SULT1A1: variants seen among roughly 807,000 people sequenced by gnomAD.
The protein encoded by SULT1A1 is sulfotransferase 1A1.
In SULT1A1, 35 loss-of-function variants were observed where a neutral mutation model predicts 36.8. The observed-to-expected ratio is 0.95, with a 90% CI of 0.73 to 1.26. SULT1A1 has a LOEUF of 1.26. SULT1A1 is among the 50% of genes most tolerant of loss of function. The pLI, the probability that SULT1A1 is intolerant of heterozygous loss-of-function variation, is 0.00. For missense variants in SULT1A1, 309 were observed against 383.0 expected (o/e 0.81, Z 1.61); for synonymous variants, 119 against 146.0 (o/e 0.82, Z 1.33).
chr16:28,605,708 TG>T lies in SULT1A1; in HGVS notation c.*112del. On this transcript the variant is annotated 3_prime_UTR_variant, in exon 8 of 8. Coordinates refer to ENST00000314752, the MANE Select transcript of SULT1A1 (RefSeq NM_001055.4). ...CCTCCCACCTCAGCCTCCAAATTGC[TG>T]GGATTACAGACATGACCTACCGTCC... The T allele has an allele frequency of 6.5e-7, 1 of 1,541,642 alleles. No individual in the cohort carries two copies. The highest frequency in any genetic ancestry group is 8.8e-7 in the Non-Finnish European group (1 of 1,132,920).
In SULT1A1 at chr16:28,608,803, A is replaced by G. The variant is rs747104282; in HGVS notation, c.53T>C (p.Val18Ala). The G allele has an allele frequency of 2.5e-6, 4 of 1,611,810 alleles. No individual in the cohort carries two copies. The South Asian group carries it at 4.4e-5, about 18-fold the overall frequency. Reference protein sequence around the residue: ...SRPPLEYVKGVPLIKYFAEAL... With the variant: ...SRPPLEYVKGAPLIKYFAEAL... ...CTCTGCAAAGTACTTGATGAGCGGG[A>G]CCCCCTTCACGTACTCCAGTGGCGG... is the stretch of plus-strand genomic sequence containing the variant. The change falls in exon 2 of 8, where the codon GTC becomes GCC. Residue 18 changes from valine to alanine, a missense_variant. Val to Ala is a moderately conservative substitution (Grantham distance 64). This residue lies in a region of SULT1A1 where 23 missense variants were observed against 45.7 expected (regional missense o/e 0.50). Coordinates refer to ENST00000314752, the MANE Select transcript of SULT1A1 (RefSeq NM_001055.4).
chr16:28,616,765 C>G (rs1337830062), intron 2 of SULT1A1, among the ~76,000 whole-genome samples: 4 of 152,146 alleles, frequency 2.6e-5, no homozygotes, highest in African/African-American at 9.7e-5. Context: ...AATAACCCCC[C>G]ACTCTGGTTT....
chr16:28,620,845 T>C (rs2047637213), intron 1 of SULT1A1, among the ~76,000 whole-genome samples: 3 of 152,148 alleles, frequency 2.0e-5, no homozygotes, highest in Admixed American at 2.0e-4. Context: ...GCACGGTGGC[T>C]CATGCCTGTA....
chr16:28,620,120 G>A (rs368142835), exon 2 of SULT1A1: 21 of 1,612,852 alleles, frequency 1.3e-5, no homozygotes, highest in African/African-American at 4.0e-5. Context: ...CCTTTCCCTG[G>A]AGAATGCTCA....
intron 1 of SULT1A1, among the ~76,000 whole-genome samples, chr16:28,620,386 C>CA (rs2047627905): frequency 6.6e-6 from 1 of 151,460 alleles, no homozygotes; most frequent in Admixed American, 6.6e-5. Flanking sequence ...GGCAACAGGG[C>CA]AAAACCTCAT....
At chr16:28,609,899 G>A (rs1198112639) in intron 1 of SULT1A1, 32 bp downstream of exon 1, 1 of 1,270,680 alleles carries the variant, frequency 7.9e-7, no homozygotes, top group African/African-American at 1.5e-5. Context: ...GCAGGGTGAG[G>A]GCGCCCTGGG....
At chr16:28,621,888 A>T (rs2047663838) in intron 1 of SULT1A1, among the ~76,000 whole-genome samples, 1 of 152,092 alleles carries the variant, frequency 6.6e-6, no homozygotes, top group Non-Finnish European at 1.5e-5. Flanking sequence ...AATTTAACCA[A>T]CTTGAGTGAT....
exon 1 of SULT1A1, chr16:28,623,148 A>C: frequency 7.5e-7 from 1 of 1,335,302 alleles, no homozygotes; most frequent in Non-Finnish European, 9.9e-7. Context: ...GAAGGCCGAG[A>C]CCGCGATGGG....
rs2047241106 is a variant in SULT1A1 at position 28,607,295 on chromosome 16, G to A, written c.373-218C>T. ...ATCATATTCTATAGTAATATAATCT[G>A]CATCAATGCGTCACACCCCAATCTG... On this transcript the variant is annotated intron_variant, in intron 4 of 7. Coordinates refer to ENST00000314752, the MANE Select transcript of SULT1A1 (RefSeq NM_001055.4). The A allele has an allele frequency of 7.6e-6, 6 of 788,418 alleles. No individual in the cohort carries two copies. The South Asian group carries it at 9.7e-5, about 13-fold the overall frequency. 48.8% of individuals were successfully genotyped at this position (788,418 alleles called of 1,614,324 possible). A position where few individuals can be genotyped will look rare whatever the true frequency, so the allele number is the denominator to read the frequency against.
chr16:28,614,570 G>A (rs201257240), upstream of SULT1A1, among the ~76,000 whole-genome samples: 4,274 of 128,558 alleles, frequency 0.033, 377 homozygotes, highest in East Asian at 0.15. Flanking sequence ...ACAGGCACGT[G>A]CCACCATGCC....
At chr16:28,607,717 T>G (rs1402415445) in intron 4 of SULT1A1, 1 of 146,364 alleles carries the variant, frequency 6.8e-6, no homozygotes, top group East Asian at 2.0e-4. Context: ...CAAGTTGGAG[T>G]GCACTGGAGT....
In SULT1A1 at chr16:28,608,549, T is replaced by A; in HGVS notation, c.203A>T (p.Glu68Val). The change falls in exon 3 of 8, where the codon GAG becomes GTG. Residue 68 changes from glutamate (E) to valine (V), a missense_variant. By Grantham distance (121) the Glu-to-Val change is moderately radical. Coordinates refer to ENST00000314752, the MANE Select transcript of SULT1A1 (RefSeq NM_001055.4). Reference protein sequence around the residue: ...LDMIYQGGDLEKCHRAPIFMR... With the variant: ...LDMIYQGGDLVKCHRAPIFMR... ...GAAGATGGGAGCTCGGTGACACTTC[T>A]CCAGGTCACCACCCTGGTAGATCAT... is the stretch of plus-strand genomic sequence containing the variant. The A allele has an allele frequency of 6.2e-7, 1 of 1,612,436 alleles. No individual in the cohort carries two copies. Among genetic ancestry groups the A allele is most frequent in the Non-Finnish European group, 8.5e-7 (1 of 1,178,670 alleles).
intron 4 of SULT1A1, chr16:28,607,306 T>C (rs923123097): frequency 4.8e-5 from 36 of 753,148 alleles, no homozygotes; most frequent in Non-Finnish European, 6.8e-5. Flanking sequence ...CATCAATGCG[T>C]CACACCCCAA....
At chr16:28,607,358 A>C in intron 4 of SULT1A1, 1 of 507,332 alleles carries the variant, frequency 2.0e-6, no homozygotes, top group Non-Finnish European at 3.3e-6. Context: ...TCCCACCGCC[A>C]CCAAATTTTG....
At position 28,606,192 on chromosome 16, in the gene SULT1A1, G is replaced by A. The variant is rs2047176179; in HGVS notation, c.639C>T (p.Arg213=). ...EIQKILEFVG[R]SLPEETVDFV... is the part of the protein sequence containing the mutation. ...AGTCCACGGTCTCCTCTGGCAGGGA[G>A]CGCCCCACAAACTCCAGGATCTTTT... The change falls in exon 7 of 8, where the codon CGC becomes CGT. Residue 213 remains arginine, a synonymous_variant. Transcript: ENST00000314752. 12 of 1,611,810 alleles carry A rather than the reference G, an allele frequency of 7.4e-6. No individual in the cohort carries two copies. Among genetic ancestry groups the A allele is most frequent in the African/African-American group, 1.3e-5 (1 of 74,942 alleles).
At chr16:28,623,048 C>T (rs2047686890) in intron 1 of SULT1A1, 5 of 1,509,104 alleles carry the variant, frequency 3.3e-6, no homozygotes, top group Middle Eastern at 2.0e-4. Context: ...AGCGCCCTCC[C>T]TCCAGCCGCT....
At chr16:28,615,761 C>T (rs1003049169) in intron 2 of SULT1A1, among the ~76,000 whole-genome samples, 17 of 152,220 alleles carry the variant, frequency 1.1e-4, no homozygotes, top group Non-Finnish European at 2.1e-4. Context: ...GAATGTGAGT[C>T]ACCTCCAATG....
intron 1 of SULT1A1, chr16:28,609,439 C>A (rs1210363987): frequency 4.0e-6 from 5 of 1,260,456 alleles, no homozygotes; most frequent in African/African-American, 3.0e-5. Context: ...GCCAGAGCTG[C>A]TGTGGGAATG....
upstream of SULT1A1, chr16:28,611,435 G>C (rs1186765714): frequency 1.3e-5 from 2 of 152,202 alleles, no homozygotes; most frequent in African/African-American, 4.8e-5. Context: ...ATATGAAACC[G>C]TACACCCACC....
Sources: gnomAD v4.1 joint callset for allele counts (sites outside exome capture counted in the v4.1 genomes callset) on GRCh38, gnomAD v4.1.1 for gene constraint, gnomAD v4.1.1 regional missense constraint, MANE v1.5 for transcripts, NCBI Gene and HGNC (gene_info 2026-07-23, HGNC 2026-07-21) for gene names.